The following SLC25A48 variants were observed in gnomAD, a reference collection of about 807,000 sequenced individuals.
The protein encoded by SLC25A48 is CTC-321K16.1.
A neutral mutation model predicts 32.2 loss-of-function variants in SLC25A48; 29 were observed. The observed-to-expected ratio is 0.90, with a 90% CI of 0.67 to 1.23. The LOEUF (loss-of-function observed/expected upper bound fraction) is 1.23, where lower values mean the gene tolerates loss of function less well. Ranked by LOEUF, SLC25A48 falls within the 50% of genes most tolerant of loss-of-function variation. SLC25A48 has a pLI of 0.00. For synonymous variants in SLC25A48, 164 were observed against 172.3 expected (o/e 0.95, Z 0.38); for missense variants, 399 against 422.7 (o/e 0.94, Z 0.49).
intron 1 of SLC25A48, among the ~76,000 whole-genome samples, chr5:135,599,297 C>T (rs1219565322): frequency 6.6e-6 from 1 of 152,178 alleles, no homozygotes; most frequent in Non-Finnish European, 1.5e-5. Flanking sequence ...ATTTTGGGAA[C>T]TGCTATCTGA....
rs966073970 is a variant in SLC25A48 at position 135,646,678 on chromosome 5, T to TATATATATATATATAC, written c.-521+11723_-521+11724insTATATATATATATACA. 3.7e-5 allele frequency among the ~76,000 whole-genome samples: 5 copies of TATATATATATATATAC among 136,768 alleles called. No individual in the cohort carries two copies. The East Asian group carries it at 1.1e-3, about 30-fold the overall frequency. The allele number at this position is 136,768 out of a possible 152,430, so 89.7% of individuals were successfully genotyped here. A position where few individuals can be genotyped will look rare whatever the true frequency, so the allele number is the denominator to read the frequency against. On this transcript the variant is annotated intron_variant, in intron 3 of 10. Transcript: ENST00000646290. ...TTCCCATTATATATATATATATATATACAATGGGAAGGACATAATGCTAAG... is the reference window on the plus strand; with the variant it reads ...TTCCCATTATATATATATATATATATATATATATATATATACACAATGGGAAGGACATAATGCTAAG...
chr5:135,812,615 G>A (rs887695498), exon 4 of SLC25A48: 3 of 152,300 alleles, frequency 2.0e-5, no homozygotes, highest in Non-Finnish European at 4.4e-5. Flanking sequence ...CCCTGACCAA[G>A]CTTTTTGCCC....
intron 3 of SLC25A48, among the ~76,000 whole-genome samples, chr5:135,771,204 A>T (rs1756400456): frequency 6.6e-6 from 1 of 151,618 alleles, no homozygotes; most frequent in Non-Finnish European, 1.5e-5. Flanking sequence ...TAAGGTTTGT[A>T]ATAGCCGGGG....
At chr5:135,705,148 G>T (rs769185662) in intron 3 of SLC25A48, among the ~76,000 whole-genome samples, 19 of 152,226 alleles carry the variant, frequency 1.2e-4, no homozygotes, top group South Asian at 2.1e-4. Flanking sequence ...CTGCGGGCCT[G>T]TTCTCAGAGC....
At chr5:135,739,840 A>C (rs1755460592) in intron 3 of SLC25A48, among the ~76,000 whole-genome samples, 1 of 152,004 alleles carries the variant, frequency 6.6e-6, no homozygotes, top group African/African-American at 2.4e-5. Flanking sequence ...ATATTTCCAC[A>C]CTGAATGGTG....
chr5:135,656,258 C>T (rs1753245056), intron 3 of SLC25A48, among the ~76,000 whole-genome samples: 2 of 151,310 alleles, frequency 1.3e-5, no homozygotes, highest in Admixed American at 6.5e-5. Context: ...CTCAGGACCA[C>T]ATTGGCCAGC....
chr5:135,583,285 T>G (rs1175069570), intron 1 of SLC25A48, among the ~76,000 whole-genome samples: 1 of 151,800 alleles, frequency 6.6e-6, no homozygotes, highest in Non-Finnish European at 1.5e-5. Context: ...AGAGATGAAG[T>G]CTCTGGGAAG....
intron 1 of SLC25A48, among the ~76,000 whole-genome samples, chr5:135,619,747 T>C (rs1408962158): frequency 6.6e-6 from 1 of 152,170 alleles, no homozygotes; most frequent in East Asian, 1.9e-4. Flanking sequence ...TGTATGTGAT[T>C]TATTAGCTGT....
chr5:135,619,635 A>G (rs1342708354), intron 1 of SLC25A48, among the ~76,000 whole-genome samples: 2 of 152,080 alleles, frequency 1.3e-5, no homozygotes, highest in Non-Finnish European at 2.9e-5. Flanking sequence ...AATGTTTTGA[A>G]TTTGCTTTCA....
chr5:135,603,188 T>C (rs1008318074), intron 1 of SLC25A48, among the ~76,000 whole-genome samples: 9 of 152,204 alleles, frequency 5.9e-5, no homozygotes, highest in Non-Finnish European at 1.3e-4. Context: ...GAAGTTTCCC[T>C]TTTTGCCAGT....
intron 3 of SLC25A48, among the ~76,000 whole-genome samples, chr5:135,665,612 TGA>T (rs1387628964): frequency 1.3e-5 from 2 of 152,300 alleles, no homozygotes; most frequent in East Asian, 3.9e-4. Flanking sequence ...TTGTATAAGG[TGA>T]GAGATAGGGA....
chr5:135,615,227 C>G (rs1580725151), intron 1 of SLC25A48, among the ~76,000 whole-genome samples: 1 of 152,098 alleles, frequency 6.6e-6, no homozygotes, highest in Non-Finnish European at 1.5e-5. Flanking sequence ...TTGGAGGGCT[C>G]AGAAGAAAAT....
chr5:135,730,243 A>G (rs201120159), intron 3 of SLC25A48, among the ~76,000 whole-genome samples: 12 of 152,218 alleles, frequency 7.9e-5, no homozygotes, highest in African/African-American at 2.9e-4. Context: ...CCACCCAAAT[A>G]TCATCTTGAA....
chr5:135,709,574 G>T (rs988140701), intron 3 of SLC25A48, among the ~76,000 whole-genome samples: 1 of 152,206 alleles, frequency 6.6e-6, no homozygotes, highest in Admixed American at 6.5e-5. Flanking sequence ...GAAGCAGGGC[G>T]CCGTGGACCA....
intron 6 of SLC25A48, 94 bp downstream of exon 6, chr5:135,874,248 G>C: frequency 7.6e-7 from 1 of 1,314,752 alleles, no homozygotes; most frequent in South Asian, 2.0e-5. Context: ...AGGGAATCAG[G>C]AGACCAGGGG....
chr5:135,858,013 A>T (rs1760473794), intron 4 of SLC25A48, among the ~76,000 whole-genome samples: 1 of 152,084 alleles, frequency 6.6e-6, no homozygotes. Context: ...CACCATGGGG[A>T]GGTGCTGACA....
chr5:135,646,678 T>TATATATATATACACACACAC (rs966073970), intron 3 of SLC25A48, among the ~76,000 whole-genome samples: 1 of 136,754 alleles, frequency 7.3e-6, no homozygotes, highest in African/African-American at 2.7e-5. Context: ...TATATATATA[T>TATATATATATACACACACAC]ACAATGGGAA....
At position 135,771,711 on chromosome 5, in the gene SLC25A48, C is replaced by T. The variant is rs531962073; in HGVS notation, c.-520-40812C>T. On this transcript the variant is annotated intron_variant, in intron 3 of 10. Transcript: ENST00000646290. ...CAATATTGCTGGGGGTGTACATCCT[C>T]ATGTGATATTGTTTGTAATATCCAA... 2.0e-5 allele frequency among the ~76,000 whole-genome samples: 3 copies of T among 151,486 alleles called. No individual in the cohort carries two copies. In the South Asian group the frequency reaches 6.2e-4, roughly 31 times the overall value.
intron 3 of SLC25A48, among the ~76,000 whole-genome samples, chr5:135,666,743 G>C (rs982020024): frequency 5.9e-5 from 9 of 152,222 alleles, no homozygotes; most frequent in African/African-American, 2.2e-4. Context: ...ATTGAGAGTT[G>C]TAAGGAATCT....
Sources: gnomAD v4.1 joint callset for allele counts (sites outside exome capture counted in the v4.1 genomes callset) on GRCh38, gnomAD v4.1.1 for gene constraint, MANE v1.5 for transcripts, NCBI Gene and HGNC (gene_info 2026-07-23, HGNC 2026-07-21) for gene names.